ZNF804B: variants seen among roughly 807,000 people sequenced by gnomAD.
ZNF804B encodes the protein zinc finger protein 804B.
A neutral mutation model predicts 101.4 loss-of-function variants in ZNF804B; 80 were observed. That is an observed-to-expected ratio of 0.79 (90% CI 0.66 to 0.95). ZNF804B has a LOEUF of 0.95. Ranked by LOEUF, ZNF804B falls within the 40% of genes least tolerant of loss-of-function variation. The pLI, the probability that ZNF804B is intolerant of heterozygous loss-of-function variation, is 0.00. For missense variants in ZNF804B, 1,673 were observed against 1,561.9 expected, an observed-to-expected ratio of 1.07 and a Z score of -1.20; for synonymous variants, 622 against 558.8, an observed-to-expected ratio of 1.11 and a Z score of -1.59.
Position 89,333,543 on chromosome 7 carries a change from T to C in ZNF804B, c.561T>C (p.Asn187=). 6.2e-7 allele frequency: 1 copy of C among 1,613,466 alleles called. No homozygotes were observed. The highest frequency in any genetic ancestry group is 2.2e-5 in the East Asian group (1 of 44,844). The part of the protein sequence containing the change: ...ISDKQRSTMP[N]RHQLQSDRRC... ...ATAAACAGCGGTCCACCATGCCAAATCGACACCAATTACAATCAGACAGGC... is the reference window on the plus strand; with the variant it reads ...ATAAACAGCGGTCCACCATGCCAAACCGACACCAATTACAATCAGACAGGC... Residue 187 remains asparagine, a synonymous_variant, in exon 4 of 4, where the codon AAT becomes AAC. Coordinates refer to ENST00000333190, the MANE Select transcript of ZNF804B (RefSeq NM_181646.5).
chr7:89,206,913 A>G (rs1362929364), intron 1 of ZNF804B, among the ~76,000 whole-genome samples: 1 of 152,178 alleles, frequency 6.6e-6, no homozygotes, highest in Non-Finnish European at 1.5e-5. Context: ...GGCAGGAGCA[A>G]AGTGCTGCCA....
intron 1 of ZNF804B, among the ~76,000 whole-genome samples, chr7:89,001,214 C>T (rs1246216069): frequency 6.7e-6 from 1 of 149,882 alleles, no homozygotes; most frequent in Non-Finnish European, 1.5e-5. Flanking sequence ...GTGTTCTCAC[C>T]ACAAAAGGAA....
intron 1 of ZNF804B, among the ~76,000 whole-genome samples, chr7:88,887,216 G>T (rs1004918670): frequency 1.2e-4 from 6 of 52,024 alleles, no homozygotes; most frequent in African/African-American, 1.9e-4. Flanking sequence ...TGTGATGTTT[G>T]TTGGCCATTT....
intron 1 of ZNF804B, among the ~76,000 whole-genome samples, chr7:88,816,561 A>T (rs1042540948): frequency 1.1e-4 from 16 of 151,642 alleles, no homozygotes; most frequent in Admixed American, 9.9e-4. Context: ...CCCCATCAAC[A>T]AGTGGGCAAA....
chr7:89,109,207 C>G (rs773203761), intron 1 of ZNF804B, among the ~76,000 whole-genome samples: 6 of 152,062 alleles, frequency 3.9e-5, no homozygotes, highest in Non-Finnish European at 8.8e-5. Context: ...ATTTACCAAC[C>G]TATTTTAAAT....
intron 1 of ZNF804B, among the ~76,000 whole-genome samples, chr7:88,828,041 C>T (rs1791073697): frequency 6.6e-6 from 1 of 152,030 alleles, no homozygotes. Flanking sequence ...CAAATGTGAT[C>T]ATACCTTTTC....
Position 88,816,362 on chromosome 7 carries a change from A to G in ZNF804B, c.108+56278A>G, listed in dbSNP as rs536243736. 2.6e-5 allele frequency among the ~76,000 whole-genome samples: 4 copies of G among 152,346 alleles called. No homozygotes were observed. In the East Asian group the frequency reaches 7.7e-4, roughly 29 times the overall value. On this transcript the variant is annotated intron_variant, in intron 1 of 3. Coordinates refer to ENST00000333190, the MANE Select transcript of ZNF804B (RefSeq NM_181646.5). ...CTAAAACACCAAAAGCAATGGCAAC[A>G]AAAGTCAAAATTGACAAATGGGATC...
intron 1 of ZNF804B, among the ~76,000 whole-genome samples, chr7:89,107,564 A>G (rs1176270790): frequency 2.0e-5 from 3 of 152,174 alleles, no homozygotes; most frequent in African/African-American, 7.2e-5. Context: ...GACAGAAATT[A>G]TAAACTCATT....
At chr7:89,015,626 G>A (rs532980857) in intron 1 of ZNF804B, among the ~76,000 whole-genome samples, 278 of 152,088 alleles carry the variant, frequency 1.8e-3, no homozygotes, top group African/African-American at 6.5e-3. Flanking sequence ...TGAGAATGAT[G>A]ATTTCCAATT....
chr7:88,834,665 C>CTG (rs150006173), intron 1 of ZNF804B, among the ~76,000 whole-genome samples: 2 of 149,180 alleles, frequency 1.3e-5, no homozygotes, highest in Non-Finnish European at 3.0e-5. Context: ...ATATATTTTA[C>CTG]TATATATATA....
chr7:88,854,527 T>TTTCCTTTCCTTTCCTTCCCTTCCCTTCCC lies in ZNF804B; in HGVS notation c.108+94449_108+94450insTCCTTTCCTTCCCTTCCCTTCCCTTCCTT, dbSNP rs1791519535. On this transcript the variant is annotated intron_variant, in intron 1 of 3. Transcript: ENST00000333190. ...CTTTCCTTTCCTTTCCTTTCCTTCC[T>TTTCCTTTCCTTTCCTTCCCTTCCCTTCCC]TTCCTTCCTTCCTTCCTTCCTTCCT... Among the ~76,000 whole-genome samples, 88 of 40,086 alleles carry TTTCCTTTCCTTTCCTTCCCTTCCCTTCCC rather than the reference T, an allele frequency of 2.2e-3. 2 individuals are homozygous for TTTCCTTTCCTTTCCTTCCCTTCCCTTCCC. Among genetic ancestry groups the TTTCCTTTCCTTTCCTTCCCTTCCCTTCCC allele is most frequent in the Admixed American group, 7.2e-3 (23 of 3,186 alleles). 26.3% of individuals were successfully genotyped at this position (40,086 alleles called of 152,430 possible). A position where few individuals can be genotyped will look rare whatever the true frequency, so the allele number is the denominator to read the frequency against.
Position 89,336,356 on chromosome 7 carries a change from C to A in ZNF804B, c.3374C>A (p.Pro1125His). 1 of 1,614,032 alleles carries A rather than the reference C, an allele frequency of 6.2e-7. No homozygotes were observed. Among genetic ancestry groups the A allele is most frequent in the Non-Finnish European group, 8.5e-7 (1 of 1,180,006 alleles). ...NSYYDRTMQK[P>H]DKVEDGLEMC... Reference sequence around the variant, plus strand: ...TACTATGACAGAACTATGCAGAAACCTGACAAAGTCGAAGACGGATTAGAA... The same window carrying A: ...TACTATGACAGAACTATGCAGAAACATGACAAAGTCGAAGACGGATTAGAA... The change falls in exon 4 of 4, where the codon CCT (proline) becomes CAT (histidine). Residue 1125 changes from proline to histidine, a missense_variant. Physicochemically the swap from Pro to His is moderately conservative, Grantham distance 77. Coordinates refer to ENST00000333190, the MANE Select transcript of ZNF804B (RefSeq NM_181646.5).
At chr7:89,102,448 G>T (rs146436273) in intron 1 of ZNF804B, among the ~76,000 whole-genome samples, 1 of 151,776 alleles carries the variant, frequency 6.6e-6, no homozygotes, top group African/African-American at 2.4e-5. Flanking sequence ...AATGTTGAGC[G>T]TTTTTTCATG....
chr7:89,029,205 G>T, intron 1 of ZNF804B, among the ~76,000 whole-genome samples: 1 of 144,206 alleles, frequency 6.9e-6, no homozygotes, highest in Non-Finnish European at 1.5e-5. Context: ...CCGGGCTCAA[G>T]CAATTCTCCT....
At chr7:88,795,896 T>C (rs1030330401) in intron 1 of ZNF804B, among the ~76,000 whole-genome samples, 1 of 152,166 alleles carries the variant, frequency 6.6e-6, no homozygotes, top group African/African-American at 2.4e-5. Flanking sequence ...ATGGTTTATT[T>C]TTAGTCAGGT....
chr7:89,291,369 A>G (rs1330578165), intron 2 of ZNF804B, among the ~76,000 whole-genome samples: 1 of 152,266 alleles, frequency 6.6e-6, no homozygotes, highest in Non-Finnish European at 1.5e-5. Context: ...TAGTAAACTC[A>G]TAGACATTCA....
At chr7:88,822,795 A>G (rs1046378513) in intron 1 of ZNF804B, among the ~76,000 whole-genome samples, 1 of 152,222 alleles carries the variant, frequency 6.6e-6, no homozygotes. Flanking sequence ...ATTTAGTCAC[A>G]TCATTTGTTT....
At position 89,335,179 on chromosome 7, in the gene ZNF804B, G is replaced by A. The variant is rs1016743601; in HGVS notation, c.2197G>A (p.Gly733Ser). ...RSTCSSHRFNGNSRGNLLCFH... is the reference protein window; with the variant it reads ...RSTCSSHRFNSNSRGNLLCFH... ...TACTTGTTCAAGTCATAGATTCAAT[G>A]GTAATAGCAGAGGTAATTTGCTCTG... The change falls in exon 4 of 4, where the codon GGT becomes AGT. Residue 733 changes from glycine (G) to serine (S), a missense_variant. Coordinates refer to ENST00000333190, the MANE Select transcript of ZNF804B (RefSeq NM_181646.5). 2 of 1,613,782 alleles carry A rather than the reference G, an allele frequency of 1.2e-6. No homozygotes were observed. The highest frequency in any genetic ancestry group is 1.7e-6 in the Non-Finnish European group (2 of 1,179,904).
chr7:88,991,459 G>A (rs189061567), intron 1 of ZNF804B, among the ~76,000 whole-genome samples: 1 of 152,162 alleles, frequency 6.6e-6, no homozygotes, highest in Non-Finnish European at 1.5e-5. Flanking sequence ...ACTCTGTGAC[G>A]CTCTGGAGGG....
Sources: allele counts gnomAD v4.1 joint callset (sites outside exome capture counted in the v4.1 genomes callset), GRCh38; gene constraint gnomAD v4.1.1; transcripts MANE v1.5; gene names NCBI Gene and HGNC (gene_info 2026-07-23, HGNC 2026-07-21).